The following NTM variants were observed in gnomAD, a reference collection of about 807,000 sequenced individuals.
NTM encodes the protein neurotrimin, also known as IgLON family member 2.
In NTM, 13 loss-of-function variants were observed where a neutral mutation model predicts 42.1. The observed-to-expected ratio is 0.31, with a 90% CI of 0.20 to 0.49. The LOEUF (loss-of-function observed/expected upper bound fraction) is 0.49. Ranked by LOEUF, NTM falls within the 20% of genes least tolerant of loss-of-function variation. NTM has a pLI of 0.99. For synonymous variants in NTM, 187 were observed against 179.2 expected (o/e 1.04, Z -0.35); for missense variants, 373 against 452.8 (o/e 0.82, Z 1.60).
At chr11:131,589,310 T>C (rs2059159386) in intron 1 of NTM, among the ~76,000 whole-genome samples, 1 of 152,110 alleles carries the variant, frequency 6.6e-6, no homozygotes, top group African/African-American at 2.4e-5. Flanking sequence ...GGCTTTTTTC[T>C]CTTCCCTGGG....
chr11:132,334,902 T>C, intron 8 of NTM, 144 bp from the exon 9 acceptor site: 1 of 1,397,272 alleles, frequency 7.2e-7, no homozygotes, highest in South Asian at 1.4e-5. Flanking sequence ...CGTTCACTTC[T>C]AATGCTGGGG....
intron 2 of NTM, among the ~76,000 whole-genome samples, chr11:131,999,921 G>A (rs1031640070): frequency 2.0e-5 from 3 of 151,880 alleles, no homozygotes; most frequent in Non-Finnish European, 4.4e-5. Flanking sequence ...GGTTGATTTC[G>A]CTCTTCTTCC....
intron 1 of NTM, among the ~76,000 whole-genome samples, chr11:131,661,787 C>T (rs1437120835): frequency 6.6e-6 from 1 of 152,136 alleles, no homozygotes; most frequent in Non-Finnish European, 1.5e-5. Context: ...GAGTTGCCAA[C>T]AATCCACTGA....
At chr11:131,801,579 G>A (rs1178801425) in intron 1 of NTM, among the ~76,000 whole-genome samples, 1 of 152,082 alleles carries the variant, frequency 6.6e-6, no homozygotes, top group African/African-American at 2.4e-5. Flanking sequence ...CCTCTTTCAA[G>A]CACCTTAGCA....
intron 6 of NTM, chr11:132,312,438 C>CA (rs2095307348): frequency 1.3e-5 from 2 of 152,394 alleles, no homozygotes; most frequent in South Asian, 4.1e-4. Flanking sequence ...ACCCATCCAA[C>CA]AGGGGCATTG....
chr11:132,289,767 C>T (rs932732152), intron 4 of NTM, among the ~76,000 whole-genome samples: 6 of 152,314 alleles, frequency 3.9e-5, no homozygotes, highest in East Asian at 1.9e-4. Context: ...CTGCTACTAT[C>T]ACCACTGCTG....
At chr11:131,644,856 G>A (rs1179183682) in intron 1 of NTM, among the ~76,000 whole-genome samples, 3 of 152,044 alleles carry the variant, frequency 2.0e-5, no homozygotes, top group African/African-American at 7.2e-5. Context: ...TGCTGGCAGT[G>A]AGCCCATGTA....
In NTM at chr11:132,055,746, A is replaced by G. The variant is rs1020969690; in HGVS notation, c.168-90536A>G. Among the ~76,000 whole-genome samples, 5 of 152,274 alleles carry G rather than the reference A, an allele frequency of 3.3e-5. 1 individual carries two copies. Among genetic ancestry groups the G allele is most frequent in the East Asian group, 3.9e-4 (2 of 5,158 alleles). On this transcript the variant is annotated intron_variant, in intron 2 of 8. Transcript: ENST00000683400. ...GCCAGGAGGCAGTGGTAGTGTGCAC[A>G]TAAGACCTAGGAGGATGTGGGTTTG...
At chr11:132,239,157 T>C (rs538225447) in intron 4 of NTM, among the ~76,000 whole-genome samples, 20 of 152,326 alleles carry the variant, frequency 1.3e-4, no homozygotes, top group African/African-American at 3.8e-4. Flanking sequence ...GCAGAGAACA[T>C]TGTAGTCCTA....
intron 1 of NTM, among the ~76,000 whole-genome samples, chr11:131,512,642 G>A (rs1160828309): frequency 4.6e-5 from 7 of 152,202 alleles, no homozygotes; most frequent in Admixed American, 3.3e-4. Flanking sequence ...CTGAGCTCCT[G>A]AGCTGATGGC....
At chr11:132,123,402 A>T (rs2065157245) in intron 2 of NTM, among the ~76,000 whole-genome samples, 1 of 152,154 alleles carries the variant, frequency 6.6e-6, no homozygotes, top group South Asian at 2.1e-4. Context: ...TCTTTTCTAA[A>T]CACAACCATG....
chr11:131,596,328 C>A (rs191738872), intron 1 of NTM, among the ~76,000 whole-genome samples: 6 of 152,182 alleles, frequency 3.9e-5, no homozygotes, highest in African/African-American at 1.4e-4. Flanking sequence ...AAGAGTGAGA[C>A]AGTGAATATT....
chr11:131,896,834 G>T (rs934762486), intron 1 of NTM, among the ~76,000 whole-genome samples: 1 of 151,944 alleles, frequency 6.6e-6, no homozygotes, highest in South Asian at 2.1e-4. Context: ...GACTACAGGC[G>T]CCCGCCACCA....
chr11:131,794,158 G>A (rs373410943), intron 1 of NTM, among the ~76,000 whole-genome samples: 46 of 152,222 alleles, frequency 3.0e-4, no homozygotes, highest in East Asian at 3.9e-4. Context: ...GCCACGGTGC[G>A]TGCTGATCCT....
At chr11:131,494,691 G>GA (rs933594562) in intron 1 of NTM, among the ~76,000 whole-genome samples, 96 of 151,608 alleles carry the variant, frequency 6.3e-4, no homozygotes, top group African/African-American at 2.0e-3. Flanking sequence ...ATCTATCCAT[G>GA]AAAAAAAAAT....
At chr11:131,787,218 G>A (rs1378030286) in intron 1 of NTM, among the ~76,000 whole-genome samples, 1 of 151,508 alleles carries the variant, frequency 6.6e-6, no homozygotes, top group Non-Finnish European at 1.5e-5. Flanking sequence ...TAAAACAACA[G>A]TTTATTATGA....
At chr11:131,823,106 C>A (rs144479733) in intron 1 of NTM, among the ~76,000 whole-genome samples, 1 of 152,064 alleles carries the variant, frequency 6.6e-6, no homozygotes, top group African/African-American at 2.4e-5. Flanking sequence ...AGCACGTCTA[C>A]GTTAGTGTTA....
chr11:131,784,875 A>T (rs1412976596), intron 1 of NTM, among the ~76,000 whole-genome samples: 1 of 152,152 alleles, frequency 6.6e-6, no homozygotes, highest in Non-Finnish European at 1.5e-5. Context: ...TAATATTTTC[A>T]TCAGTGATAA....
chr11:132,265,185 A>G (rs962986039), intron 4 of NTM, among the ~76,000 whole-genome samples: 2 of 152,176 alleles, frequency 1.3e-5, no homozygotes, highest in Admixed American at 6.5e-5. Flanking sequence ...CTTAATTTGT[A>G]TGGTGGTTCT....
Sources: allele counts gnomAD v4.1 joint callset (sites outside exome capture counted in the v4.1 genomes callset), GRCh38; gene constraint gnomAD v4.1.1; transcripts MANE v1.5; gene names NCBI Gene and HGNC (gene_info 2026-07-23, HGNC 2026-07-21).